Variants in PIEZO2 observed in about 807,000 individuals in gnomAD.
The protein encoded by PIEZO2 is piezo-type mechanosensitive ion channel component 2.
PIEZO2 carries 172 observed loss-of-function variants against 337.3 expected under a neutral mutation model. That is an observed-to-expected ratio of 0.51 (90% confidence interval 0.45 to 0.58). PIEZO2 has a LOEUF of 0.58. PIEZO2 is among the 20% of genes least tolerant of loss of function. The probability of loss-of-function intolerance (pLI) is 0.00; values close to 1 mark genes in which losing one functional copy is unlikely to be tolerated. For missense variants in PIEZO2, 3,028 were observed against 3,391.3 expected, an observed-to-expected ratio of 0.89 and a Z score of 2.66; for synonymous variants, 1,251 against 1,228.5, an observed-to-expected ratio of 1.02 and a Z score of -0.38.
intron 52 of PIEZO2, among the ~76,000 whole-genome samples, chr18:10,679,424 T>C (rs1022417470): frequency 6.6e-6 from 1 of 152,220 alleles, no homozygotes; most frequent in African/African-American, 2.4e-5. Flanking sequence ...CTTTAAAATA[T>C]ATAATTTATT....
rs370642957 is a variant in PIEZO2 at position 10,679,314 on chromosome 18, A to G, written c.7952+885T>C. Among the ~76,000 whole-genome samples the G allele has an allele frequency of 1.1e-4, 17 of 152,154 alleles. No homozygotes were observed. The East Asian group carries it at 1.2e-3, about 10-fold the overall frequency. On this transcript the variant is annotated intron_variant, in intron 52 of 55. Coordinates refer to ENST00000674853, the MANE Select transcript of PIEZO2 (RefSeq NM_001378183.1). ...TCCCCCAGACTGTTTCATTTTGTAA[A>G]TCATCACCTTGCCTCTCTTCTCTCT... is the stretch of plus-strand genomic sequence containing the variant.
intron 1 of PIEZO2, among the ~76,000 whole-genome samples, chr18:11,066,547 T>G (rs564886882): frequency 1.3e-5 from 2 of 152,316 alleles, no homozygotes; most frequent in East Asian, 3.9e-4. Flanking sequence ...AAGATGTAAA[T>G]TGTGACACCA....
At chr18:10,755,389 C>T (rs1444057329) in intron 27 of PIEZO2, among the ~76,000 whole-genome samples, 1 of 152,080 alleles carries the variant, frequency 6.6e-6, no homozygotes, top group Non-Finnish European at 1.5e-5. Flanking sequence ...GGAAATTAGT[C>T]CCATGATATA....
chr18:10,767,793 AGAG>A lies in PIEZO2; in HGVS notation c.2946+2352_2946+2354del, dbSNP rs2038427070. Among the ~76,000 whole-genome samples the A allele has an allele frequency of 3.3e-5, 5 of 152,190 alleles. No homozygotes were observed. In the South Asian group the frequency reaches 1.0e-3, roughly 31 times the overall value. On this transcript the variant is annotated intron_variant, in intron 21 of 55. Coordinates refer to ENST00000674853, the MANE Select transcript of PIEZO2 (RefSeq NM_001378183.1). This position sits in a 1 kb window ranked among gnomAD's most constrained non-coding sequence, Gnocchi z 4.2. ...GTCTGGAAGGGCAGCAGGACTCCAC[AGAG>A]GAGTCCAGGAGGAGAAGGTGCTGGC...
chr18:10,718,502 G>C (rs1166753396), intron 36 of PIEZO2, among the ~76,000 whole-genome samples: 1 of 152,186 alleles, frequency 6.6e-6, no homozygotes. Flanking sequence ...GCCAGTACTC[G>C]TGGGCTGACT....
intron 3 of PIEZO2, among the ~76,000 whole-genome samples, chr18:10,916,340 C>T (rs1236478515): frequency 1.3e-5 from 2 of 152,132 alleles, no homozygotes; most frequent in East Asian, 3.9e-4. Flanking sequence ...TAGCAGGGGG[C>T]GGCGCCTGTA....
chr18:10,782,499 CTTATA>C (rs1407616804), intron 17 of PIEZO2, among the ~76,000 whole-genome samples: 54 of 125,216 alleles, frequency 4.3e-4, no homozygotes, highest in Middle Eastern at 8.6e-3. Context: ...ATATTATATT[CTTATA>C]TTATATATAT....
chr18:10,886,315 TATAC>T (rs1157403912), intron 4 of PIEZO2, among the ~76,000 whole-genome samples: 1 of 36,150 alleles, frequency 2.8e-5, no homozygotes, highest in African/African-American at 2.0e-4. Context: ...TACCAAACCC[TATAC>T]ATACATATAT....
At chr18:10,963,278 T>A (rs1171293328) in intron 3 of PIEZO2, among the ~76,000 whole-genome samples, 1 of 151,486 alleles carries the variant, frequency 6.6e-6, no homozygotes, top group Non-Finnish European at 1.5e-5. Flanking sequence ...GGTGAGATGT[T>A]GTCTCAAAAA....
chr18:10,779,909 G>A (rs1477172211), intron 18 of PIEZO2, among the ~76,000 whole-genome samples: 2 of 152,152 alleles, frequency 1.3e-5, no homozygotes, highest in Admixed American at 6.6e-5. Context: ...GGAGTGCTAC[G>A]GAGGTTCAGA....
At chr18:11,064,447 C>T (rs946134460) in intron 2 of PIEZO2, among the ~76,000 whole-genome samples, 2 of 152,194 alleles carry the variant, frequency 1.3e-5, no homozygotes, top group African/African-American at 2.4e-5. Flanking sequence ...CCTGTTTGTG[C>T]TCTGTTTGTG....
At position 11,066,011 on chromosome 18, in the gene PIEZO2, T is replaced by C. The variant is rs7236754; in HGVS notation, c.160+116A>G. 541,147 of 784,824 alleles carry C rather than the reference T, an allele frequency of 0.69. 189,525 individuals carry two copies. Among genetic ancestry groups the C allele is most frequent in the East Asian group, 0.97 (35,891 of 37,192 alleles). 48.6% of individuals were successfully genotyped at this position (784,824 alleles called of 1,614,324 possible). The stretch of plus-strand genomic sequence containing the variant: ...TGTTTGACACCCACTCCATGCCATA[T>C]TAGCCCTGCTGCATAGATAACATCT... On this transcript the variant is annotated intron_variant, in intron 2 of 55. Transcript: ENST00000674853.
chr18:10,789,550 CCTT>C (rs1320474115), intron 14 of PIEZO2, among the ~76,000 whole-genome samples, 185 bp from the exon 15 acceptor site: 3 of 152,190 alleles, frequency 2.0e-5, no homozygotes, highest in Non-Finnish European at 4.4e-5. Context: ...ATTTTCATAA[CCTT>C]CTCAAAATAT....
At chr18:11,098,959 G>A (rs2039334424) in intron 1 of PIEZO2, among the ~76,000 whole-genome samples, 1 of 145,670 alleles carries the variant, frequency 6.9e-6, no homozygotes, top group Admixed American at 7.2e-5. Context: ...CACCATGCCT[G>A]TATAATTTAA....
chr18:10,748,374 G>A lies in PIEZO2; in HGVS notation c.4424+97C>T, dbSNP rs909895240. On this transcript the variant is annotated intron_variant, in intron 30 of 55. Transcript: ENST00000674853. This position sits in a 1 kb window ranked among gnomAD's most constrained non-coding sequence, Gnocchi z 5.1. ...GCTGGAAGGGATTTCTTAACTTCTT[G>A]TGGGTTCTAGAAGCAAGCTCAGACA... 4 of 1,230,954 alleles carry A rather than the reference G, an allele frequency of 3.2e-6. No individual in the cohort carries two copies. The highest frequency in any genetic ancestry group is 4.5e-6 in the Non-Finnish European group (4 of 895,976). 76.3% of individuals were successfully genotyped at this position (1,230,954 alleles called of 1,614,324 possible). A position where few individuals can be genotyped will look rare whatever the true frequency, so the allele number is the denominator to read the frequency against.
rs1392515522 is a variant in PIEZO2, at chr18:10,859,146, G to C, written c.493-1935C>G. Among the ~76,000 whole-genome samples the C allele has an allele frequency of 6.6e-6, 1 of 152,152 alleles. No homozygotes were observed. The highest frequency in any genetic ancestry group is 1.5e-5 in the Non-Finnish European group (1 of 68,040). On this transcript the variant is annotated intron_variant, in intron 5 of 55. Coordinates refer to ENST00000674853, the MANE Select transcript of PIEZO2 (RefSeq NM_001378183.1). The surrounding 1 kb of genome is among the most constrained non-coding windows in gnomAD (Gnocchi z 4.9). ...GGTCAAGGAAAGCCTCTCTGAGGAG[G>C]TGACATTTAAGCTAAGATCTGAATG... is the stretch of plus-strand genomic sequence containing the variant.
intron 21 of PIEZO2, among the ~76,000 whole-genome samples, chr18:10,764,449 G>A (rs1325139523): frequency 6.6e-6 from 1 of 152,008 alleles, no homozygotes; most frequent in Non-Finnish European, 1.5e-5. Context: ...AGACCGGCCC[G>A]GCCAAGATGG....
chr18:11,061,048 T>G (rs2037933779), intron 2 of PIEZO2, among the ~76,000 whole-genome samples: 1 of 152,168 alleles, frequency 6.6e-6, no homozygotes, highest in African/African-American at 2.4e-5. Flanking sequence ...CATAAAAAGC[T>G]TATCCACCAT....
chr18:10,749,973 G>A (rs2143741767), intron 29 of PIEZO2, 118 bp downstream of exon 29: 1 of 706,306 alleles, frequency 1.4e-6, no homozygotes, highest in Non-Finnish European at 2.4e-6. Context: ...CCTCCATCTG[G>A]AGAAAACTGA....
Sources: gnomAD v4.1 joint callset for allele counts (sites outside exome capture counted in the v4.1 genomes callset) on GRCh38, gnomAD v4.1.1 for gene constraint, Gnocchi (gnomAD v3.1) non-coding constraint, MANE v1.5 for transcripts, NCBI Gene and HGNC (gene_info 2026-07-23, HGNC 2026-07-21) for gene names.